RBFOX1: variants seen among roughly 807,000 people sequenced by gnomAD.
RBFOX1 encodes RNA binding fox-1 homolog 1, also known as RNA binding protein fox-1 homolog 1.
In RBFOX1, 8 loss-of-function variants were observed where a neutral mutation model predicts 57.7. The ratio of observed to expected loss-of-function variants is 0.14; its 90% CI spans 0.08 to 0.25. RBFOX1 has a LOEUF of 0.25. Ranked by LOEUF, RBFOX1 falls within the 10% of genes least tolerant of loss-of-function variation. The pLI is 1.00. For missense variants in RBFOX1, 611 were observed against 548.5 expected (o/e 1.11, Z -1.14); for synonymous variants, 326 against 222.4 (o/e 1.47, Z -4.15).
intron 3 of RBFOX1, among the ~76,000 whole-genome samples, chr16:6,881,798 C>T (rs1464893349): frequency 1.3e-5 from 2 of 152,100 alleles, no homozygotes; most frequent in Non-Finnish European, 2.9e-5. Flanking sequence ...CTCAATGCAA[C>T]CTACATACTG....
chr16:5,867,980 G>C (rs985474054), intron 4 of RBFOX1, among the ~76,000 whole-genome samples: 3 of 152,096 alleles, frequency 2.0e-5, no homozygotes, highest in African/African-American at 7.2e-5. Flanking sequence ...CTAAAATGCA[G>C]GGATTATAGG....
intron 4 of RBFOX1, among the ~76,000 whole-genome samples, chr16:7,241,467 C>T (rs2094055392): frequency 6.6e-6 from 1 of 152,124 alleles, no homozygotes; most frequent in Non-Finnish European, 1.5e-5. Flanking sequence ...TTGGTTCATT[C>T]AAGATGACTA....
At chr16:6,805,809 G>C (rs987707742) in intron 3 of RBFOX1, among the ~76,000 whole-genome samples, 5 of 152,196 alleles carry the variant, frequency 3.3e-5, no homozygotes, top group East Asian at 1.9e-4. Flanking sequence ...TCACATCTTC[G>C]CTGCCCTGTT....
At chr16:6,634,877 T>G (rs2154064586) in intron 2 of RBFOX1, among the ~76,000 whole-genome samples, 1 of 136,146 alleles carries the variant, frequency 7.3e-6, no homozygotes, top group South Asian at 2.3e-4. Context: ...TCAAAATATA[T>G]ATTATAAATT....
At chr16:6,808,065 C>T (rs938889445) in intron 3 of RBFOX1, among the ~76,000 whole-genome samples, 1 of 147,870 alleles carries the variant, frequency 6.8e-6, no homozygotes, top group African/African-American at 2.5e-5. Flanking sequence ...TACAATAGAA[C>T]TATATATATA....
intron 4 of RBFOX1, among the ~76,000 whole-genome samples, chr16:7,508,270 G>A (rs905858194): frequency 6.6e-6 from 1 of 152,118 alleles, no homozygotes; most frequent in Non-Finnish European, 1.5e-5. Flanking sequence ...GAGCCACCGC[G>A]CCCGGCCAGT....
intron 1 of RBFOX1, among the ~76,000 whole-genome samples, chr16:6,244,569 T>C (rs2097558621): frequency 6.6e-6 from 1 of 152,184 alleles, no homozygotes; most frequent in Admixed American, 6.5e-5. Flanking sequence ...AGTGGTGCGA[T>C]CTCAGCTCAC....
At chr16:6,052,923 A>G (rs1435776082) in intron 1 of RBFOX1, among the ~76,000 whole-genome samples, 2 of 151,658 alleles carry the variant, frequency 1.3e-5, no homozygotes, top group African/African-American at 4.8e-5. Flanking sequence ...CTCCTTTGTG[A>G]GCTCTTCATA....
intron 2 of RBFOX1, among the ~76,000 whole-genome samples, chr16:6,586,924 G>A (rs926491711): frequency 6.6e-6 from 1 of 152,014 alleles, no homozygotes; most frequent in African/African-American, 2.4e-5. Flanking sequence ...TGTAAAACAG[G>A]ATGTTTTGAA....
chr16:6,797,443 A>G (rs190497184), intron 3 of RBFOX1, among the ~76,000 whole-genome samples: 5 of 152,268 alleles, frequency 3.3e-5, no homozygotes, highest in Admixed American at 2.0e-4. Flanking sequence ...GCGCAATAAC[A>G]TGAAGATAAA....
At chr16:5,497,941 A>G (rs1597306994) in intron 2 of RBFOX1, among the ~76,000 whole-genome samples, 3 of 152,126 alleles carry the variant, frequency 2.0e-5, no homozygotes, top group East Asian at 3.9e-4. Flanking sequence ...AGAGCTTGCC[A>G]TGGAGAGATG....
chr16:6,109,023 G>T (rs960690028), intron 1 of RBFOX1, among the ~76,000 whole-genome samples: 1 of 152,042 alleles, frequency 6.6e-6, no homozygotes, highest in African/African-American at 2.4e-5. Flanking sequence ...TGATATCTTC[G>T]GGTGGCGATT....
intron 2 of RBFOX1, among the ~76,000 whole-genome samples, chr16:6,490,177 A>G (rs748472452): frequency 6.6e-6 from 1 of 152,246 alleles, no homozygotes; most frequent in East Asian, 1.9e-4. Context: ...AAATGCTATG[A>G]AAAGAAAAAC....
chr16:6,720,102 A>G (rs1028748171), intron 3 of RBFOX1, among the ~76,000 whole-genome samples: 2 of 152,094 alleles, frequency 1.3e-5, no homozygotes, highest in African/African-American at 4.8e-5. Flanking sequence ...TGAAAAGAAT[A>G]AAATAAATAA....
chr16:6,105,479 C>G (rs888669365), intron 1 of RBFOX1, among the ~76,000 whole-genome samples: 2 of 152,086 alleles, frequency 1.3e-5, no homozygotes, highest in South Asian at 4.1e-4. Context: ...CTATTTAAGA[C>G]TGGCATTCTA....
intron 4 of RBFOX1, among the ~76,000 whole-genome samples, chr16:7,143,375 G>A (rs1453283504): frequency 1.3e-5 from 2 of 152,142 alleles, no homozygotes; most frequent in Non-Finnish European, 2.9e-5. Context: ...AACATTAAAC[G>A]ACCCAAGAAA....
At chr16:5,699,043 G>A (rs866036952) in intron 3 of RBFOX1, among the ~76,000 whole-genome samples, 28 of 147,948 alleles carry the variant, frequency 1.9e-4, no homozygotes, top group African/African-American at 6.6e-4. Flanking sequence ...GCTGGAATGC[G>A]ATGGCATGAT....
At chr16:5,630,767 G>A (rs577368030) in intron 3 of RBFOX1, among the ~76,000 whole-genome samples, 22 of 152,244 alleles carry the variant, frequency 1.4e-4, no homozygotes, top group Admixed American at 7.8e-4. Context: ...TCTAACTCTC[G>A]CCTTGGACTT....
At chr16:7,396,143 C>T (rs1189273054) in intron 4 of RBFOX1, among the ~76,000 whole-genome samples, 3 of 151,948 alleles carry the variant, frequency 2.0e-5, no homozygotes, top group East Asian at 1.9e-4. Context: ...ATAACCAGGG[C>T]GGAAGGAGGA....
Sources: allele counts gnomAD v4.1 joint callset (sites outside exome capture counted in the v4.1 genomes callset), GRCh38; gene constraint gnomAD v4.1.1; transcripts MANE v1.5; gene names NCBI Gene and HGNC (gene_info 2026-07-23, HGNC 2026-07-21).